The following SEMA3E variants were observed in gnomAD, a reference collection of about 807,000 sequenced individuals.
SEMA3E encodes semaphorin-3E.
Under a neutral mutation model 93.6 loss-of-function variants are expected in SEMA3E, and 49 were observed. The observed-to-expected ratio is 0.52, with a 90% CI of 0.42 to 0.66. The LOEUF (loss-of-function observed/expected upper bound fraction) is 0.66. Ranked by LOEUF, SEMA3E falls within the 30% of genes least tolerant of loss-of-function variation. The probability of loss-of-function intolerance (pLI) is 0.00; values close to 1 mark genes in which losing one functional copy is unlikely to be tolerated. For synonymous variants in SEMA3E, 363 were observed against 330.7 expected (o/e 1.10, Z -1.06); for missense variants, 906 against 964.8 (o/e 0.94, Z 0.81).
At chr7:83,632,716 G>T (rs991083749) in intron 1 of SEMA3E, among the ~76,000 whole-genome samples, 1 of 152,078 alleles carries the variant, frequency 6.6e-6, no homozygotes, top group Non-Finnish European at 1.5e-5. Flanking sequence ...TGTATTTGGA[G>T]GTCCATCATG....
At chr7:83,578,323 G>A (rs534975147) in intron 1 of SEMA3E, among the ~76,000 whole-genome samples, 5 of 152,064 alleles carry the variant, frequency 3.3e-5, no homozygotes, top group Non-Finnish European at 5.9e-5. Context: ...TTGGGAGGCC[G>A]TGGTGGGTGG....
In SEMA3E at chr7:83,364,725, G is replaced by A. The variant is rs1281551871; in HGVS notation, c.*2861C>T. On this transcript the variant is annotated 3_prime_UTR_variant, in exon 17 of 17. Transcript: ENST00000643230. ...CTCTCCTGTAACAAAGATAGAAGAG[G>A]TCTAAAGAAGCAGGAGACCGGCCCT... The A allele has an allele frequency of 6.6e-6, 1 of 152,186 alleles. No homozygotes were observed. Among genetic ancestry groups the A allele is most frequent in the Non-Finnish European group, 1.5e-5 (1 of 68,038 alleles). The allele number at this position is 152,186 out of a possible 1,614,324, so 9.4% of individuals were successfully genotyped here. A position where few individuals can be genotyped will look rare whatever the true frequency, so the allele number is the denominator to read the frequency against.
At chr7:83,515,306 AAAAG>A (rs962875850) in intron 1 of SEMA3E, among the ~76,000 whole-genome samples, 3 of 152,106 alleles carry the variant, frequency 2.0e-5, no homozygotes, top group African/African-American at 7.2e-5. Flanking sequence ...AAAAAAAAAA[AAAAG>A]AAATGTCCTA....
In SEMA3E at chr7:83,435,016, T is replaced by A. The variant is rs376055373; in HGVS notation, c.457-16533A>T. On this transcript the variant is annotated intron_variant, in intron 4 of 16. Transcript: ENST00000643230. ...GCGTGAGCCACCGCGCCCGGCCAAC[T>A]GTATTTCTTATGGATGTAATTCTAA... 3.3e-4 allele frequency among the ~76,000 whole-genome samples: 50 copies of A among 152,186 alleles called. 1 individual carries two copies. Among genetic ancestry groups the A allele is most frequent in the African/African-American group, 1.2e-3 (48 of 41,554 alleles).
chr7:83,632,819 A>C (rs561718633), intron 1 of SEMA3E, among the ~76,000 whole-genome samples: 16 of 152,344 alleles, frequency 1.1e-4, no homozygotes, highest in African/African-American at 3.8e-4. Flanking sequence ...CTTGCTCTTC[A>C]CTGGACTATT....
Position 83,577,077 on chromosome 7 carries a change from T to C in SEMA3E, c.115+71351A>G, listed in dbSNP as rs376792739. Among the ~76,000 whole-genome samples, 12 of 152,376 alleles carry C rather than the reference T, an allele frequency of 7.9e-5. 1 individual carries two copies. The highest frequency in any genetic ancestry group is 6.5e-5 in the Admixed American group (1 of 15,304). On this transcript the variant is annotated intron_variant, in intron 1 of 16. Coordinates refer to ENST00000643230, the MANE Select transcript of SEMA3E (RefSeq NM_012431.3). ...AAGATTTATGTTCACTTCACTTATA[T>C]ATATTGTCCACCTAATCACTATTCA...
At chr7:83,592,938 A>G (rs1792783379) in intron 1 of SEMA3E, among the ~76,000 whole-genome samples, 1 of 150,236 alleles carries the variant, frequency 6.7e-6, no homozygotes, top group Non-Finnish European at 1.5e-5. Context: ...CCCAATCATG[A>G]AAGACTTTGT....
At chr7:83,384,937 C>G (rs1327605997) in intron 16 of SEMA3E, among the ~76,000 whole-genome samples, 1 of 151,904 alleles carries the variant, frequency 6.6e-6, no homozygotes, top group African/African-American at 2.4e-5. Flanking sequence ...TATTTCTCTA[C>G]AACACTGCCT....
At chr7:83,537,017 GTCTCTCTCTCTCTTCTCCCCCCT>G (rs377150777) in intron 1 of SEMA3E, among the ~76,000 whole-genome samples, 234 of 151,482 alleles carry the variant, frequency 1.5e-3, no homozygotes, top group African/African-American at 5.4e-3. Flanking sequence ...ATCTTTCTCT[GTCTCTCTCTCTCTTCTCCCCCCT>G]TCTCTCTCTC....
At chr7:83,471,873 A>G (rs1430769526) in intron 2 of SEMA3E, among the ~76,000 whole-genome samples, 1 of 152,216 alleles carries the variant, frequency 6.6e-6, no homozygotes, top group Admixed American at 6.5e-5. Context: ...ATATACCTAA[A>G]TATTTTAAAG....
intron 1 of SEMA3E, among the ~76,000 whole-genome samples, chr7:83,570,773 A>G (rs1792269853): frequency 6.6e-6 from 1 of 151,160 alleles, no homozygotes; most frequent in Non-Finnish European, 1.5e-5. Context: ...CTTTGAAAGA[A>G]TTAACAATAT....
intron 11 of SEMA3E, among the ~76,000 whole-genome samples, chr7:83,398,685 A>G (rs1788174620): frequency 6.6e-6 from 1 of 152,096 alleles, no homozygotes; most frequent in Non-Finnish European, 1.5e-5. Flanking sequence ...GGCTTACGCC[A>G]GTAATACCAG....
chr7:83,641,633 A>G (rs1794012418), intron 1 of SEMA3E, among the ~76,000 whole-genome samples: 1 of 152,166 alleles, frequency 6.6e-6, no homozygotes, highest in South Asian at 2.1e-4. Flanking sequence ...GAGAGACATC[A>G]ATATTCTTTG....
chr7:83,467,985 C>T (rs1178073140), intron 3 of SEMA3E, among the ~76,000 whole-genome samples: 2 of 152,198 alleles, frequency 1.3e-5, no homozygotes. Flanking sequence ...TGTTGCCATT[C>T]CATTAAAAAT....
Position 83,592,627 on chromosome 7 carries a change from T to C in SEMA3E, c.115+55801A>G, listed in dbSNP as rs114646422. On this transcript the variant is annotated intron_variant, in intron 1 of 16. Coordinates refer to ENST00000643230, the MANE Select transcript of SEMA3E (RefSeq NM_012431.3). ...GAGAGAAGAAAGCAATAGGTTCAAT[T>C]TGCTATGCAAGAGGACATATCAAGT... Among the ~76,000 whole-genome samples, 321 of 152,280 alleles carry C rather than the reference T, an allele frequency of 2.1e-3. 1 individual carries two copies. Among genetic ancestry groups the C allele is most frequent in the African/African-American group, 7.4e-3 (309 of 41,562 alleles).
At chr7:83,472,851 T>A (rs1789930673) in intron 2 of SEMA3E, among the ~76,000 whole-genome samples, 1 of 152,180 alleles carries the variant, frequency 6.6e-6, no homozygotes, top group Non-Finnish European at 1.5e-5. Flanking sequence ...CTCGTGATAG[T>A]GAGTGAGTTC....
At chr7:83,606,618 CG>C (rs1793124925) in intron 1 of SEMA3E, among the ~76,000 whole-genome samples, 3 of 109,942 alleles carry the variant, frequency 2.7e-5, no homozygotes, top group Non-Finnish European at 5.4e-5. Flanking sequence ...GTGGTGGGGT[CG>C]GGGGAGGGGG....
chr7:83,519,525 G>C (rs570273238), intron 1 of SEMA3E, among the ~76,000 whole-genome samples: 1 of 152,116 alleles, frequency 6.6e-6, no homozygotes, highest in South Asian at 2.1e-4. Flanking sequence ...TCATATCTCT[G>C]TGTCTTTTCT....
chr7:83,641,418 A>G, intron 1 of SEMA3E: 1 of 984,400 alleles, frequency 1.0e-6, no homozygotes, highest in Non-Finnish European at 1.2e-6. Flanking sequence ...TGCCTATAGG[A>G]CACTGTTTAG....
Sources: allele counts gnomAD v4.1 joint callset (sites outside exome capture counted in the v4.1 genomes callset), GRCh38; gene constraint gnomAD v4.1.1; transcripts MANE v1.5; gene names NCBI Gene and HGNC (gene_info 2026-07-23, HGNC 2026-07-21).